Variants in GALNT14 observed in about 807,000 individuals in gnomAD.
The protein encoded by GALNT14 is UDP-GalNAc:polypeptide N-acetylgalactosaminyltransferase 14.
GALNT14 carries 60 observed loss-of-function variants against 77.5 expected under a neutral mutation model. The ratio of observed to expected loss-of-function variants is 0.77; its 90% confidence interval spans 0.63 to 0.96. The LOEUF is 0.96. Ranked by LOEUF, GALNT14 falls within the 40% of genes least tolerant of loss-of-function variation. GALNT14 has a pLI of 0.00. For missense variants in GALNT14, 710 were observed against 731.0 expected (o/e 0.97, Z 0.33); for synonymous variants, 280 against 281.7 (o/e 0.99, Z 0.06).
intron 1 of GALNT14, among the ~76,000 whole-genome samples, chr2:31,033,808 G>A (rs1370726874): frequency 6.6e-6 from 1 of 151,872 alleles, no homozygotes; most frequent in African/African-American, 2.4e-5. Context: ...TCTCCAGAAC[G>A]CCCTCCCATG....
rs529271761 is a variant in GALNT14 at position 31,081,657 on chromosome 2, T to C, written c.129+56301A>G. Among the ~76,000 whole-genome samples, 3 of 152,342 alleles carry C rather than the reference T, an allele frequency of 2.0e-5. No individual in the cohort carries two copies. In the South Asian group the frequency reaches 6.2e-4, roughly 32 times the overall value. On this transcript the variant is annotated intron_variant, in intron 1 of 14. Coordinates refer to ENST00000349752, the MANE Select transcript of GALNT14 (RefSeq NM_024572.4). ...GTAAATAAAATAACCTAGTCACCAC[T>C]CAAGACTCAGACGTGGCTGCAAAAT...
At chr2:31,062,486 A>G (rs1674665634) in intron 1 of GALNT14, among the ~76,000 whole-genome samples, 1 of 152,234 alleles carries the variant, frequency 6.6e-6, no homozygotes, top group South Asian at 2.1e-4. Context: ...GTTGGTTCCA[A>G]GTCTTTGCTA....
chr2:31,016,832 A>G (rs1671398962), intron 1 of GALNT14, among the ~76,000 whole-genome samples: 1 of 152,116 alleles, frequency 6.6e-6, no homozygotes, highest in Non-Finnish European at 1.5e-5. Context: ...CATTAAATTT[A>G]CAAGGCTCTG....
rs182416992 is a variant in GALNT14 at position 31,117,254 on chromosome 2, T to A, written c.129+20704A>T. On this transcript the variant is annotated intron_variant, in intron 1 of 14. Coordinates refer to ENST00000349752, the MANE Select transcript of GALNT14 (RefSeq NM_024572.4). ...ATTTTGAAATTGAGAAACATGCTCC[T>A]ACCTGAGTAGCTCTTCAGACAAATA... 9.8e-4 allele frequency among the ~76,000 whole-genome samples: 149 copies of A among 152,300 alleles called. 2 individuals are homozygous for A. The Middle Eastern group carries it at 0.01, about 10-fold the overall frequency.
chr2:31,012,074 A>T (rs1671065937), intron 1 of GALNT14, among the ~76,000 whole-genome samples: 1 of 152,184 alleles, frequency 6.6e-6, no homozygotes, highest in Non-Finnish European at 1.5e-5. Flanking sequence ...AGTACAGAAG[A>T]TATCTCCTCA....
chr2:31,128,066 G>A (rs531183097), intron 1 of GALNT14, among the ~76,000 whole-genome samples: 1 of 152,086 alleles, frequency 6.6e-6, no homozygotes, highest in Non-Finnish European at 1.5e-5. Flanking sequence ...ATGGGCCCAG[G>A]AGCTTACTGG....
At chr2:31,052,641 G>T (rs1673951462) in intron 1 of GALNT14, among the ~76,000 whole-genome samples, 1 of 151,836 alleles carries the variant, frequency 6.6e-6, no homozygotes, top group Non-Finnish European at 1.5e-5. Context: ...CCTCAGGGAG[G>T]TGGGAGAGCA....
At chr2:31,129,731 G>T in intron 1 of GALNT14, 1 of 776,518 alleles carries the variant, frequency 1.3e-6, no homozygotes, top group Non-Finnish European at 1.6e-6. Context: ...GTGGGGGGTG[G>T]GAGGGACATC....
At chr2:30,980,577 G>A (rs58492763) in intron 2 of GALNT14, among the ~76,000 whole-genome samples, 17,464 of 152,190 alleles carry the variant, frequency 0.11, 1,214 homozygotes, top group East Asian at 0.24. Flanking sequence ...GGGAGTTTGA[G>A]TAACTCACCC....
chr2:31,008,740 A>C (rs1327135183), intron 1 of GALNT14, among the ~76,000 whole-genome samples: 1 of 152,338 alleles, frequency 6.6e-6, no homozygotes, highest in East Asian at 1.9e-4. Flanking sequence ...AGCGGTTGTT[A>C]ATGCTCTGTT....
At chr2:31,042,027 G>A (rs961360336) in intron 1 of GALNT14, among the ~76,000 whole-genome samples, 2 of 152,210 alleles carry the variant, frequency 1.3e-5, no homozygotes, top group African/African-American at 4.8e-5. Flanking sequence ...TAAGGTCCCA[G>A]TGGACCACTC....
In GALNT14 at chr2:30,992,856, G is replaced by C. The variant is rs188727997; in HGVS notation, c.281C>G (p.Pro94Arg). ...SERISSNRAI[P>R]DTRHLRCTLL... ...GAAGTACCTCAGATGGCGAGTGTCC[G>C]GGATGGCCCGATTGCTGGAGATCCG... The change falls in exon 2 of 15, where the codon CCG becomes CGG. Residue 94 changes from proline to arginine, a missense_variant. Physicochemically the swap from Pro to Arg is moderately radical, Grantham distance 103. Transcript: ENST00000349752. The C allele has an allele frequency of 1.2e-5, 20 of 1,613,906 alleles. No homozygotes were observed. Among genetic ancestry groups the C allele is most frequent in the South Asian group, 1.1e-5 (1 of 91,072 alleles).
chr2:31,054,154 C>T (rs540601278), intron 1 of GALNT14, among the ~76,000 whole-genome samples: 2 of 152,318 alleles, frequency 1.3e-5, no homozygotes, highest in African/African-American at 2.4e-5. Context: ...CAGGCCACTT[C>T]GAGGAAGTCC....
At chr2:31,046,227 C>CTTT (rs57864916) in intron 1 of GALNT14, among the ~76,000 whole-genome samples, 1 of 134,054 alleles carries the variant, frequency 7.5e-6, no homozygotes, top group Non-Finnish European at 1.6e-5. Context: ...AACCCATATT[C>CTTT]TTTTTTTTTT....
At chr2:30,894,223 G>T in the GALNT14 span, among the ~76,000 whole-genome samples, 1 of 152,160 alleles carries the variant, frequency 6.6e-6, no homozygotes, top group Non-Finnish European at 1.5e-5. Context: ...TACAGGCAGG[G>T]TCTGAAGATC....
intron 9 of GALNT14, among the ~76,000 whole-genome samples, chr2:30,937,208 G>C (rs764758630): frequency 1.5e-4 from 23 of 152,322 alleles, no homozygotes; most frequent in African/African-American, 2.9e-4. Flanking sequence ...CATAATCCTC[G>C]TTTAACAATC....
intron 2 of GALNT14, among the ~76,000 whole-genome samples, chr2:30,978,438 T>C (rs1157226509): frequency 1.3e-5 from 2 of 152,224 alleles, no homozygotes; most frequent in Non-Finnish European, 2.9e-5. Context: ...TCTTCATCTC[T>C]AAAACAAGGG....
intron 1 of GALNT14, among the ~76,000 whole-genome samples, chr2:31,103,658 A>G (rs1677404060): frequency 6.6e-6 from 1 of 152,138 alleles, no homozygotes; most frequent in South Asian, 2.1e-4. Context: ...GCTCTCAATT[A>G]TACCTTTTTA....
chr2:31,027,873 G>A (rs937968865), intron 1 of GALNT14, among the ~76,000 whole-genome samples: 1 of 94,058 alleles, frequency 1.1e-5, no homozygotes, highest in Non-Finnish European at 2.3e-5. Context: ...CTCTAAGAGG[G>A]CCCAGATGTA....
Sources: gnomAD v4.1 joint callset for allele counts (sites outside exome capture counted in the v4.1 genomes callset) on GRCh38, gnomAD v4.1.1 for gene constraint, MANE v1.5 for transcripts, NCBI Gene and HGNC (gene_info 2026-07-23, HGNC 2026-07-21) for gene names.